FUBP3: variants seen among roughly 807,000 people sequenced by gnomAD.
FUBP3 encodes the protein far upstream element binding protein 3, also known as far upstream element-binding protein 3.
Under a neutral mutation model 85.6 loss-of-function variants are expected in FUBP3, and 28 were observed. The observed-to-expected ratio is 0.33, with a 90% CI of 0.24 to 0.45. The LOEUF is 0.45. Among genes scored for constraint, FUBP3 ranks in the 20% least tolerant of loss-of-function variants. The pLI, the probability that FUBP3 is intolerant of heterozygous loss-of-function variation, is 1.00. For synonymous variants in FUBP3, 271 were observed against 271.4 expected (o/e 1.00, Z 0.01); for missense variants, 583 against 755.1 (o/e 0.77, Z 2.67).
intron 2 of FUBP3, among the ~76,000 whole-genome samples, chr9:130,602,956 C>T (rs376776209): frequency 3.9e-5 from 6 of 152,202 alleles, no homozygotes; most frequent in Middle Eastern, 3.4e-3. Flanking sequence ...GTACAGTGGG[C>T]GGTCACCTGG....
intron 1 of FUBP3, among the ~76,000 whole-genome samples, chr9:130,582,679 G>A (rs1830184025): frequency 6.6e-6 from 1 of 152,118 alleles, no homozygotes; most frequent in Admixed American, 6.6e-5. Flanking sequence ...GTCTGCCTAG[G>A]TTACAAGGGG....
intron 8 of FUBP3, among the ~76,000 whole-genome samples, chr9:130,618,682 G>A (rs1203734520): frequency 6.6e-6 from 1 of 152,202 alleles, no homozygotes. Context: ...GAGTAGCTCC[G>A]GGGTGATGCT....
intron 1 of FUBP3, chr9:130,581,067 T>C (rs1830113782): frequency 6.6e-6 from 1 of 152,264 alleles, no homozygotes; most frequent in Non-Finnish European, 1.5e-5. Flanking sequence ...GCTACTAATA[T>C]GTAATGGCTT....
In FUBP3 at chr9:130,617,698, G is replaced by A. The variant is rs1564212134; in HGVS notation, c.568-99G>A. The A allele has an allele frequency of 8.6e-6, 7 of 812,318 alleles. No homozygotes were observed. In the Admixed American group the frequency reaches 1.1e-4, roughly 12 times the overall value. The allele number at this position is 812,318 out of a possible 1,614,324, so 50.3% of individuals were successfully genotyped here. On this transcript the variant is annotated intron_variant, in intron 7 of 18. Transcript: ENST00000319725. ...GGCAGTCCCTGGTGGTAGGTGGGAT[G>A]TGCGCTTATTGTGGGTGTGACTGGG...
chr9:130,581,147 C>T (rs1830117112), intron 1 of FUBP3: 1 of 152,188 alleles, frequency 6.6e-6, no homozygotes, highest in Non-Finnish European at 1.5e-5. Flanking sequence ...TAGTCACTGC[C>T]CTAAAGGGCT....
intron 13 of FUBP3, among the ~76,000 whole-genome samples, 159 bp downstream of exon 13, chr9:130,630,947 G>A (rs1488885199): frequency 2.0e-5 from 3 of 152,182 alleles, no homozygotes; most frequent in Non-Finnish European, 2.9e-5. Context: ...GGGGAGGGTC[G>A]GAGACCCAGG....
rs1830828832 is a variant in FUBP3, at chr9:130,595,564, C to G, written c.166C>G (p.Gln56Glu). 6.5e-7 allele frequency: 1 copy of G among 1,537,962 alleles called. No homozygotes were observed. Among genetic ancestry groups the G allele is most frequent in the Non-Finnish European group, 9.0e-7 (1 of 1,112,416 alleles). ...VDPSVYGYGVQKRPLDDGVGN... is the reference protein window; with the variant it reads ...VDPSVYGYGVEKRPLDDGVGN... ...CCCCTCAGTATATGGATACGGAGTA[C>G]AAAAACGGCCCTTGGATGATGGAGG... The change falls in exon 2 of 19, where the codon CAA becomes GAA. Residue 56 changes from glutamine to glutamate, a missense_variant. Around this residue, in one of 3 missense-constraint regions of FUBP3, gnomAD observed 177 missense variants for 221.9 expected, o/e 0.80. Transcript: ENST00000319725.
At chr9:130,580,736 G>A (rs1431398364) in intron 1 of FUBP3, 2 of 152,148 alleles carry the variant, frequency 1.3e-5, no homozygotes, top group African/African-American at 4.8e-5. Context: ...TCTCTTTCCA[G>A]TATTCCAGGG....
At chr9:130,588,745 C>G (rs1027538295) in intron 1 of FUBP3, among the ~76,000 whole-genome samples, 2 of 152,164 alleles carry the variant, frequency 1.3e-5, no homozygotes, top group African/African-American at 4.8e-5. Context: ...GATGCACTGT[C>G]TTCTTTGTAA....
chr9:130,625,739 G>A (rs1231540069), intron 11 of FUBP3, among the ~76,000 whole-genome samples: 1 of 152,242 alleles, frequency 6.6e-6, no homozygotes, highest in East Asian at 1.9e-4. Context: ...CCCACATGGG[G>A]AGGAGGCCTT....
At chr9:130,634,784 G>A in intron 17 of FUBP3, 46 bp downstream of exon 17, 1 of 1,450,664 alleles carries the variant, frequency 6.9e-7, no homozygotes, top group South Asian at 1.2e-5. Flanking sequence ...GTCCCCTCCA[G>A]CCCAGAGACT....
chr9:130,620,845 C>A (rs544821387), intron 9 of FUBP3, among the ~76,000 whole-genome samples: 2 of 152,086 alleles, frequency 1.3e-5, no homozygotes, highest in Non-Finnish European at 2.9e-5. Context: ...TTGTTGTATG[C>A]GACAACATGG....
Position 130,637,240 on chromosome 9 carries a change from G to A in FUBP3, c.*218G>A. The A allele has an allele frequency of 1.7e-6, 1 of 577,778 alleles. No homozygotes were observed. The highest frequency in any genetic ancestry group is 3.1e-6 in the Non-Finnish European group (1 of 321,708). The allele number at this position is 577,778 out of a possible 1,614,324, so 35.8% of individuals were successfully genotyped here. A position where few individuals can be genotyped will look rare whatever the true frequency, so the allele number is the denominator to read the frequency against. The stretch of plus-strand genomic sequence containing the variant: ...TTTCATTATTTTTGTTATTTCAAAT[G>A]TATAAGCTCTGGGATTCTTTTTGGA... On this transcript the variant is annotated 3_prime_UTR_variant, in exon 19 of 19. Transcript: ENST00000319725.
Position 130,635,988 on chromosome 9 carries a change from T to C in FUBP3, c.1583-11T>C. ...CTCCCGATAACCTGTGTTTCCTCCT[T>C]TGTCAACCAGGTCACGCCGCCAGCG... On this transcript the variant is annotated splice_polypyrimidine_tract_variant and intron_variant, in intron 17 of 18. Coordinates refer to ENST00000319725, the MANE Select transcript of FUBP3 (RefSeq NM_003934.2). This position sits in a 1 kb window ranked among gnomAD's most constrained non-coding sequence, Gnocchi z 4.3. The C allele has an allele frequency of 1.9e-6, 3 of 1,612,980 alleles. No individual in the cohort carries two copies. Among genetic ancestry groups the C allele is most frequent in the Non-Finnish European group, 1.7e-6 (2 of 1,179,602 alleles).
intron 12 of FUBP3, among the ~76,000 whole-genome samples, chr9:130,627,667 A>G (rs1197870624): frequency 2.0e-5 from 3 of 152,180 alleles, no homozygotes; most frequent in Admixed American, 6.5e-5. Context: ...GTTTGGGGAT[A>G]TTGCAGGCTG....
In FUBP3 at chr9:130,579,583, C is replaced by T. The variant is rs989389628; in HGVS notation, c.-98C>T. 6.6e-6 allele frequency: 5 copies of T among 752,276 alleles called. No individual in the cohort carries two copies. The highest frequency in any genetic ancestry group is 1.8e-5 in the African/African-American group (1 of 54,908). 46.6% of individuals were successfully genotyped at this position (752,276 alleles called of 1,614,324 possible). A position where few individuals can be genotyped will look rare whatever the true frequency, so the allele number is the denominator to read the frequency against. On this transcript the variant is annotated 5_prime_UTR_variant, in exon 1 of 19. Coordinates refer to ENST00000319725, the MANE Select transcript of FUBP3 (RefSeq NM_003934.2). ...CGGAAGTAGGGCGACTTTCCTTTTC[C>T]GGCTACGGGTCCCCAAGCGGAGCGG...
intron 17 of FUBP3, among the ~76,000 whole-genome samples, chr9:130,634,987 T>C (rs1412785851): frequency 6.6e-6 from 1 of 152,192 alleles, no homozygotes; most frequent in Non-Finnish European, 1.5e-5. Flanking sequence ...CTCCCCGTGC[T>C]GGGCTCCAAA....
chr9:130,617,251 A>G (rs1157174953), intron 7 of FUBP3, among the ~76,000 whole-genome samples: 3 of 152,230 alleles, frequency 2.0e-5, no homozygotes, highest in Non-Finnish European at 4.4e-5. Flanking sequence ...TTCTTTCAGA[A>G]AAGGGATTTT....
intron 2 of FUBP3, among the ~76,000 whole-genome samples, chr9:130,605,752 G>A (rs1409571284): frequency 2.6e-5 from 4 of 152,190 alleles, no homozygotes; most frequent in Admixed American, 6.5e-5. Flanking sequence ...GGGAGGCCAA[G>A]GCAGGCGGAT....
Sources: gnomAD v4.1 joint callset for allele counts (sites outside exome capture counted in the v4.1 genomes callset) on GRCh38, gnomAD v4.1.1 for gene constraint, gnomAD v4.1.1 regional missense constraint, Gnocchi (gnomAD v3.1) non-coding constraint, MANE v1.5 for transcripts, NCBI Gene and HGNC (gene_info 2026-07-23, HGNC 2026-07-21) for gene names.